The following ADAMTSL3 variants were observed in gnomAD, a reference collection of about 807,000 sequenced individuals.
The protein encoded by ADAMTSL3 is ADAMTS-like protein 3.
ADAMTSL3 carries 128 observed loss-of-function variants against 201.7 expected under a neutral mutation model. The ratio of observed to expected loss-of-function variants is 0.63; its 90% CI spans 0.55 to 0.73. The LOEUF (loss-of-function observed/expected upper bound fraction) is 0.73. Ranked by LOEUF, ADAMTSL3 falls within the 30% of genes least tolerant of loss-of-function variation. The probability of loss-of-function intolerance (pLI) is 0.00; values close to 1 mark genes in which losing one functional copy is unlikely to be tolerated. For missense variants in ADAMTSL3, 1,990 were observed against 2,119.6 expected (o/e 0.94, Z 1.20); for synonymous variants, 738 against 748.4 (o/e 0.99, Z 0.23).
chr15:83,655,367 G>A (rs773715998), intron 1 of ADAMTSL3, among the ~76,000 whole-genome samples: 21 of 152,234 alleles, frequency 1.4e-4, no homozygotes, highest in Admixed American at 3.9e-4. Context: ...CATTTTTGCC[G>A]CGAGCAGCAG....
At chr15:83,990,944 C>A in intron 22 of ADAMTSL3, 142 bp from the exon 23 acceptor site, 1 of 1,164,702 alleles carries the variant, frequency 8.6e-7, no homozygotes, top group Admixed American at 2.1e-5. Flanking sequence ...CACATCCCCA[C>A]GGTGCACCTT....
intron 5 of ADAMTSL3, among the ~76,000 whole-genome samples, chr15:83,811,236 A>T (rs1395607481): frequency 6.6e-6 from 1 of 152,218 alleles, no homozygotes; most frequent in African/African-American, 2.4e-5. Flanking sequence ...AAGGTGGTGC[A>T]TTATTTTGCC....
intron 2 of ADAMTSL3, among the ~76,000 whole-genome samples, chr15:83,699,873 A>G (rs185880226): frequency 1.5e-3 from 233 of 152,272 alleles, no homozygotes; most frequent in Non-Finnish European, 2.6e-3. Flanking sequence ...TTTTTTGACC[A>G]TCTTATCTAA....
intron 9 of ADAMTSL3, among the ~76,000 whole-genome samples, chr15:83,871,557 G>A (rs1046154303): frequency 2.0e-5 from 3 of 152,116 alleles, no homozygotes; most frequent in African/African-American, 4.8e-5. Flanking sequence ...GCAGTCTTGC[G>A]GTGGGCTGAT....
chr15:83,726,647 A>G (rs976244703), intron 3 of ADAMTSL3, among the ~76,000 whole-genome samples: 4 of 152,126 alleles, frequency 2.6e-5, no homozygotes, highest in African/African-American at 9.7e-5. Flanking sequence ...GCATCAATTG[A>G]AATCATCATA....
At chr15:83,920,890 G>C (rs2066129716) in intron 16 of ADAMTSL3, among the ~76,000 whole-genome samples, 1 of 152,152 alleles carries the variant, frequency 6.6e-6, no homozygotes, top group Admixed American at 6.6e-5. Context: ...TTTTGGGATT[G>C]AGGGGGAGCA....
At chr15:83,841,190 A>G (rs888116014) in intron 7 of ADAMTSL3, among the ~76,000 whole-genome samples, 4 of 152,226 alleles carry the variant, frequency 2.6e-5, no homozygotes, top group African/African-American at 9.6e-5. Flanking sequence ...TATTGATCAA[A>G]TGCTTTATAA....
intron 17 of ADAMTSL3, among the ~76,000 whole-genome samples, chr15:83,926,991 T>G (rs1407796776): frequency 6.6e-6 from 1 of 152,216 alleles, no homozygotes; most frequent in Non-Finnish European, 1.5e-5. Flanking sequence ...TCACCTCTAC[T>G]GTCTTTTCCA....
At chr15:83,793,190 G>T (rs1453010606) in intron 4 of ADAMTSL3, among the ~76,000 whole-genome samples, 1 of 151,974 alleles carries the variant, frequency 6.6e-6, no homozygotes, top group Non-Finnish European at 1.5e-5. Flanking sequence ...GATGGTTGAG[G>T]AGGGGAGTTG....
chr15:83,790,186 A>G (rs1384560514), intron 4 of ADAMTSL3, among the ~76,000 whole-genome samples: 1 of 149,418 alleles, frequency 6.7e-6, no homozygotes, highest in Admixed American at 6.8e-5. Context: ...ATTCCATATA[A>G]TTTCTTCCAG....
chr15:83,977,061 G>A (rs2067300942), intron 20 of ADAMTSL3, among the ~76,000 whole-genome samples: 1 of 152,150 alleles, frequency 6.6e-6, no homozygotes. Context: ...TAGGAGGTGA[G>A]CGGGAGGCAA....
chr15:84,025,585 G>A (rs1219590910), intron 27 of ADAMTSL3, 149 bp downstream of exon 27: 3 of 755,972 alleles, frequency 4.0e-6, no homozygotes, highest in Non-Finnish European at 6.3e-6. Flanking sequence ...TTGACCTCAA[G>A]GTTTACATTT....
At chr15:83,967,805 A>C (rs1427708242) in intron 19 of ADAMTSL3, among the ~76,000 whole-genome samples, 2 of 152,236 alleles carry the variant, frequency 1.3e-5, no homozygotes, top group African/African-American at 4.8e-5. Flanking sequence ...ACAGAAACCA[A>C]AACAGTATGG....
At chr15:83,833,905 T>G (rs2064209800) in intron 6 of ADAMTSL3, among the ~76,000 whole-genome samples, 1 of 152,228 alleles carries the variant, frequency 6.6e-6, no homozygotes, top group Non-Finnish European at 1.5e-5. Context: ...TTTTTGTTTT[T>G]GTCAAGAGAA....
At chr15:83,722,186 G>A (rs1332744817) in intron 3 of ADAMTSL3, among the ~76,000 whole-genome samples, 1 of 152,172 alleles carries the variant, frequency 6.6e-6, no homozygotes. Context: ...CAGAGAATCA[G>A]ATTAGTGAAA....
At position 83,770,355 on chromosome 15, in the gene ADAMTSL3, C is replaced by A. The variant is rs116081123; in HGVS notation, c.190-3168C>A. On this transcript the variant is annotated intron_variant, in intron 3 of 29. Transcript: ENST00000286744. ...GAAAATTAAACATTCAGTTGAAGTTCATTTCCTGTCTTTTCCCAACAACAT... is the reference window on the plus strand; with the variant it reads ...GAAAATTAAACATTCAGTTGAAGTTAATTTCCTGTCTTTTCCCAACAACAT... Among the ~76,000 whole-genome samples the A allele has an allele frequency of 4.1e-3, 625 of 152,274 alleles. 4 individuals are homozygous for A. Among genetic ancestry groups the A allele is most frequent in the African/African-American group, 0.014 (599 of 41,540 alleles).
chr15:83,823,877 TTCC>T (rs2063936506), intron 6 of ADAMTSL3, among the ~76,000 whole-genome samples: 1 of 149,062 alleles, frequency 6.7e-6, no homozygotes, highest in African/African-American at 2.5e-5. Context: ...CAGACTCCAT[TTCC>T]TTCTTCTTCT....
chr15:83,693,652 A>G (rs897447927), intron 2 of ADAMTSL3, among the ~76,000 whole-genome samples: 4 of 152,172 alleles, frequency 2.6e-5, no homozygotes, highest in Non-Finnish European at 5.9e-5. Context: ...TAAAGCTGCA[A>G]TTTATACCCC....
intron 2 of ADAMTSL3, among the ~76,000 whole-genome samples, chr15:83,700,614 A>C (rs2061760735): frequency 6.6e-6 from 1 of 152,144 alleles, no homozygotes; most frequent in Non-Finnish European, 1.5e-5. Context: ...AAATACAAAA[A>C]TTATCCAGGC....
Sources: gnomAD v4.1 joint callset for allele counts (sites outside exome capture counted in the v4.1 genomes callset) on GRCh38, gnomAD v4.1.1 for gene constraint, MANE v1.5 for transcripts, NCBI Gene and HGNC (gene_info 2026-07-23, HGNC 2026-07-21) for gene names.